STXBP5L: variants seen among roughly 807,000 people sequenced by gnomAD.
STXBP5L encodes syntaxin binding protein 5L.
In STXBP5L, 65 loss-of-function variants were observed where a neutral mutation model predicts 144.5. That is an observed-to-expected ratio of 0.45 (90% CI 0.37 to 0.55). STXBP5L has a LOEUF of 0.55. STXBP5L is among the 20% of genes least tolerant of loss of function. STXBP5L has a pLI of 0.00. For synonymous variants in STXBP5L, 505 were observed against 469.6 expected, an observed-to-expected ratio of 1.08 and a Z score of -0.97; for missense variants, 1,298 against 1,405.5, an observed-to-expected ratio of 0.92 and a Z score of 1.22.
At chr3:121,054,053 A>G (rs2107603966) in intron 5 of STXBP5L, among the ~76,000 whole-genome samples, 1 of 152,278 alleles carries the variant, frequency 6.6e-6, no homozygotes, top group South Asian at 2.1e-4. Flanking sequence ...ACCATCTCAC[A>G]CCCGTTAGAA....
At chr3:121,145,343 T>A (rs2045673594) in intron 7 of STXBP5L, among the ~76,000 whole-genome samples, 1 of 142,742 alleles carries the variant, frequency 7.0e-6, no homozygotes, top group African/African-American at 2.6e-5. Flanking sequence ...CGCTAATAGG[T>A]CTAAGAACAA....
intron 18 of STXBP5L, among the ~76,000 whole-genome samples, chr3:121,270,754 A>G (rs2050712395): frequency 6.6e-6 from 1 of 152,096 alleles, no homozygotes; most frequent in South Asian, 2.1e-4. Context: ...TGCCTGACCC[A>G]GCATTTATTT....
chr3:121,330,216 TGCTGCTAGTGG>T (rs1201660288), intron 20 of STXBP5L, among the ~76,000 whole-genome samples: 8 of 152,198 alleles, frequency 5.3e-5, no homozygotes, highest in Non-Finnish European at 1.5e-5. Flanking sequence ...CCTAGCTAGC[TGCTGCTAGTGG>T]AACACTGTAG....
At position 121,371,624 on chromosome 3, in the gene STXBP5L, G is replaced by A. The variant is rs145487652; in HGVS notation, c.2177-7092G>A. ...GTAGTAGTGGCAGTATGTCTGGGGC[G>A]TGGGGGGCAGTGTGGACCAGGGGCC... On this transcript the variant is annotated intron_variant, in intron 20 of 26. Transcript: ENST00000471454. Among the ~76,000 whole-genome samples the A allele has an allele frequency of 2.3e-3, 351 of 152,342 alleles. 2 individuals carry two copies. The highest frequency in any genetic ancestry group is 7.2e-3 in the African/African-American group (298 of 41,574).
chr3:121,197,809 G>A (rs377016528), intron 9 of STXBP5L, among the ~76,000 whole-genome samples: 44 of 152,130 alleles, frequency 2.9e-4, no homozygotes, highest in African/African-American at 9.2e-4. Flanking sequence ...TCTATGTCCC[G>A]GCAAAGGACA....
chr3:121,159,924 GC>G (rs1553721616), intron 9 of STXBP5L, among the ~76,000 whole-genome samples: 1 of 152,048 alleles, frequency 6.6e-6, no homozygotes. Context: ...GAGCCACCGC[GC>G]CCGGCCGACA....
chr3:121,299,563 G>A (rs2051802972), intron 19 of STXBP5L, among the ~76,000 whole-genome samples: 1 of 152,026 alleles, frequency 6.6e-6, no homozygotes, highest in African/African-American at 2.4e-5. Context: ...CCAAACAGAA[G>A]CACAGAGTTA....
intron 2 of STXBP5L, among the ~76,000 whole-genome samples, chr3:120,926,670 G>A (rs1709649109): frequency 6.6e-6 from 1 of 152,032 alleles, no homozygotes; most frequent in African/African-American, 2.4e-5. Context: ...TTGACTATCA[G>A]TAATTCTTAG....
intron 20 of STXBP5L, among the ~76,000 whole-genome samples, chr3:121,354,739 G>A (rs186080260): frequency 1.8e-4 from 27 of 152,176 alleles, no homozygotes; most frequent in Non-Finnish European, 1.5e-4. Context: ...TCATTATGAT[G>A]TTAGCTGGTT....
At chr3:121,077,768 TAC>T (rs2042081930) in intron 5 of STXBP5L, among the ~76,000 whole-genome samples, 1 of 152,194 alleles carries the variant, frequency 6.6e-6, no homozygotes, top group Non-Finnish European at 1.5e-5. Context: ...ATTAGCTAGA[TAC>T]AGAGTGTCAA....
At chr3:121,240,529 G>A in intron 14 of STXBP5L, 22 bp downstream of exon 14, 1 of 1,607,344 alleles carries the variant, frequency 6.2e-7, no homozygotes, top group Non-Finnish European at 8.5e-7. Flanking sequence ...TGTTTTGTGA[G>A]TTATTAGTTC....
At chr3:120,984,158 G>T (rs532911524) in intron 3 of STXBP5L, among the ~76,000 whole-genome samples, 1 of 152,316 alleles carries the variant, frequency 6.6e-6, no homozygotes, top group East Asian at 1.9e-4. Context: ...AGAGGTTAAA[G>T]ATTCACCTCC....
intron 3 of STXBP5L, among the ~76,000 whole-genome samples, chr3:120,996,002 C>G (rs1045959143): frequency 2.0e-5 from 3 of 152,150 alleles, no homozygotes; most frequent in East Asian, 3.9e-4. Flanking sequence ...CACTCTCATT[C>G]CTGAAGGATA....
intron 9 of STXBP5L, among the ~76,000 whole-genome samples, chr3:121,193,214 T>G (rs887275508): frequency 3.5e-5 from 5 of 142,842 alleles, no homozygotes; most frequent in Non-Finnish European, 7.6e-5. Flanking sequence ...AACAGACACA[T>G]GAAAAAATGC....
At chr3:121,045,289 G>A (rs1947436268) in intron 4 of STXBP5L, 146 bp from the exon 5 acceptor site, 1 of 676,166 alleles carries the variant, frequency 1.5e-6, no homozygotes, top group Non-Finnish European at 2.3e-6. Context: ...CCTGATTGAA[G>A]TTTATGCACC....
At chr3:121,145,279 C>A (rs78822220) in intron 7 of STXBP5L, among the ~76,000 whole-genome samples, 1 of 151,654 alleles carries the variant, frequency 6.6e-6, no homozygotes, top group Non-Finnish European at 1.5e-5. Context: ...TGGTGTTTTA[C>A]TCCAGGGATG....
intron 20 of STXBP5L, among the ~76,000 whole-genome samples, chr3:121,352,999 T>TAA (rs2045356435): frequency 6.6e-6 from 1 of 152,224 alleles, no homozygotes; most frequent in African/African-American, 2.4e-5. Flanking sequence ...TATTTGCGTA[T>TAA]GTTGAACCAG....
intron 2 of STXBP5L, among the ~76,000 whole-genome samples, chr3:120,936,156 A>T (rs1386516646): frequency 6.6e-6 from 1 of 152,124 alleles, no homozygotes; most frequent in African/African-American, 2.4e-5. Context: ...CATCAAGGAC[A>T]TTCTTCATTT....
Position 121,026,472 on chromosome 3 carries a change from C to T in STXBP5L, c.288-15228C>T, listed in dbSNP as rs935916697. ...TTATTTGTTTGCTGTTGCTTCCCTT[C>T]AAGTAAAATATAGCAATATGAGAGC... On this transcript the variant is annotated intron_variant, in intron 3 of 26. Transcript: ENST00000471454. 5.9e-5 allele frequency among the ~76,000 whole-genome samples: 9 copies of T among 152,002 alleles called. No individual in the cohort carries two copies. In the South Asian group the frequency reaches 1.9e-3, roughly 31 times the overall value.
Sources: allele counts gnomAD v4.1 joint callset (sites outside exome capture counted in the v4.1 genomes callset), GRCh38; gene constraint gnomAD v4.1.1; transcripts MANE v1.5; gene names NCBI Gene and HGNC (gene_info 2026-07-23, HGNC 2026-07-21).